KMT2E: variants seen among roughly 807,000 people sequenced by gnomAD.
KMT2E encodes lysine methyltransferase 2E (inactive), also known as histone reader KMT2E.
A neutral mutation model predicts 184.6 loss-of-function variants in KMT2E; 30 were observed. That is an observed-to-expected ratio of 0.16 (90% CI 0.12 to 0.22). The LOEUF is 0.22. KMT2E is among the 10% of genes least tolerant of loss of function. The pLI, the probability that KMT2E is intolerant of heterozygous loss-of-function variation, is 1.00. For synonymous variants in KMT2E, 815 were observed against 776.5 expected (o/e 1.05, Z -0.82); for missense variants, 2,023 against 2,237.4 (o/e 0.90, Z 1.93).
chr7:105,071,600 ATATATATATTTTTTT>A (rs1797312405), intron 6 of KMT2E, among the ~76,000 whole-genome samples: 2 of 66,146 alleles, frequency 3.0e-5, no homozygotes, highest in Admixed American at 1.8e-4. Context: ...ATATATATAT[ATATATATATTTTTTT>A]TTTTTTTTTT....
At chr7:105,063,614 T>A in intron 5 of KMT2E, 34 bp downstream of exon 5, 1 of 1,358,974 alleles carries the variant, frequency 7.4e-7, no homozygotes, top group Non-Finnish European at 1.0e-6. Context: ...TTATTTTTCT[T>A]GAATGCTGAT....
At chr7:105,074,160 G>T (rs917864740) in intron 7 of KMT2E, among the ~76,000 whole-genome samples, 1 of 151,330 alleles carries the variant, frequency 6.6e-6, no homozygotes, top group African/African-American at 2.5e-5. Context: ...ATTCCTCTTT[G>T]ATGGAGATTT....
intron 5 of KMT2E, among the ~76,000 whole-genome samples, chr7:105,064,919 A>C (rs1796968241): frequency 6.6e-6 from 1 of 152,160 alleles, no homozygotes; most frequent in Non-Finnish European, 1.5e-5. Flanking sequence ...TTTAATACAT[A>C]ATCTTAGCAG....
chr7:105,015,122 T>C, intron 1 of KMT2E, among the ~76,000 whole-genome samples: 1 of 152,132 alleles, frequency 6.6e-6, no homozygotes, highest in Non-Finnish European at 1.5e-5. Flanking sequence ...GCCCCTGAAG[T>C]GGTCACCCCA....
intron 1 of KMT2E, among the ~76,000 whole-genome samples, chr7:105,027,074 CTTTTTTTTT>C (rs34930855): frequency 1.1e-4 from 9 of 81,940 alleles, no homozygotes; most frequent in African/African-American, 4.3e-4. Context: ...GCCCCGCCCT[CTTTTTTTTT>C]TTTTTTTTTT....
chr7:105,073,683 TA>T lies in KMT2E; in HGVS notation c.556+11del. 3 of 1,572,460 alleles carry T rather than the reference TA, an allele frequency of 1.9e-6. No homozygotes were observed. The highest frequency in any genetic ancestry group is 2.6e-6 in the Non-Finnish European group (3 of 1,142,688). On this transcript the variant is annotated splice_region_variant and intron_variant, in intron 7 of 26. Coordinates refer to ENST00000311117, the MANE Select transcript of KMT2E (RefSeq NM_182931.3). ...GAAAAGGGAAAATATGTCAGGTAGGTAAAAAGGACCTACACTAAATTAAAAT... is the reference window on the plus strand; with the variant it reads ...GAAAAGGGAAAATATGTCAGGTAGGTAAAAGGACCTACACTAAATTAAAAT...
In KMT2E at chr7:105,073,641, G is replaced by A. The variant is rs975636642; in HGVS notation, c.520G>A (p.Val174Met). 3 of 1,605,702 alleles carry A rather than the reference G, an allele frequency of 1.9e-6. No individual in the cohort carries two copies. The highest frequency in any genetic ancestry group is 2.6e-6 in the Non-Finnish European group (3 of 1,172,974). Reference protein sequence around the residue: ...QPRNLDKERAVLLQRRKRENM... With the variant: ...QPRNLDKERAMLLQRRKRENM... ...TAGGAATTTGGATAAAGAGAGGGCA[G>A]TGCTACTACAACGCCGGAAAAGGGA... Residue 174 changes from valine (V) to methionine (M), a missense_variant, in exon 7 of 27, where the codon GTG becomes ATG. By Grantham distance (21) the Val-to-Met change is conservative (BLOSUM62 1). This residue lies in a region of KMT2E where 191 missense variants were observed against 209.0 expected (regional missense o/e 0.91). Transcript: ENST00000311117.
chr7:105,062,601 T>C (rs1288707572), intron 4 of KMT2E, among the ~76,000 whole-genome samples: 1 of 152,000 alleles, frequency 6.6e-6, no homozygotes, highest in Non-Finnish European at 1.5e-5. Flanking sequence ...TTTTAATTTT[T>C]TGATTTTTAG....
At position 105,109,049 on chromosome 7, in the gene KMT2E, G is replaced by C; in HGVS notation, c.3576G>C (p.Leu1192Phe). 1 of 1,614,184 alleles carries C rather than the reference G, an allele frequency of 6.2e-7. No individual in the cohort carries two copies. Among genetic ancestry groups the C allele is most frequent in the East Asian group, 2.2e-5 (1 of 44,874 alleles). Residue 1192 changes from leucine (L) to phenylalanine (F), a missense_variant, in exon 23 of 27, where the codon TTG becomes TTC. Physicochemically the swap from Leu to Phe is conservative, Grantham distance 22. Coordinates refer to ENST00000311117, the MANE Select transcript of KMT2E (RefSeq NM_182931.3). ...TATCACCCCATGCAAGTGGAAGCTT[G>C]AGCAACAATGGTGATGGCTGTGCCA... Reference protein sequence around the residue: ...ISVSPHASGSLSNNGDGCASS... With the variant: ...ISVSPHASGSFSNNGDGCASS...
chr7:105,031,144 G>A (rs186808642), intron 1 of KMT2E, among the ~76,000 whole-genome samples: 245 of 151,752 alleles, frequency 1.6e-3, no homozygotes, highest in African/African-American at 5.6e-3. Flanking sequence ...ATCACTTGAG[G>A]TCAGGAGATC....
intron 5 of KMT2E, among the ~76,000 whole-genome samples, chr7:105,066,285 A>T (rs1383172188): frequency 6.6e-6 from 1 of 152,136 alleles, no homozygotes; most frequent in African/African-American, 2.4e-5. Context: ...CTCTTCATAT[A>T]TGTTGAGCGC....
chr7:105,044,485 G>A (rs1796016952), intron 3 of KMT2E, among the ~76,000 whole-genome samples: 2 of 152,138 alleles, frequency 1.3e-5, no homozygotes, highest in Non-Finnish European at 2.9e-5. Context: ...GTAGTTATGT[G>A]GCATGTCCCA....
chr7:105,071,564 A>G (rs1269568568), intron 6 of KMT2E, among the ~76,000 whole-genome samples: 15 of 98,286 alleles, frequency 1.5e-4, no homozygotes, highest in Non-Finnish European at 3.9e-5. Context: ...GTATGTATGT[A>G]TGTATGTATG....
In KMT2E at chr7:105,076,086, A is replaced by G. The variant is rs1014785502; in HGVS notation, c.768+5A>G. On this transcript the variant is annotated splice_donor_5th_base_variant and intron_variant, in intron 9 of 26. Transcript: ENST00000311117. ...AGGAAGTCATCAAGAGTTAAGGTAAATACATTAATTTTAAGGTGTTGTTAT... is the reference window on the plus strand; with the variant it reads ...AGGAAGTCATCAAGAGTTAAGGTAAGTACATTAATTTTAAGGTGTTGTTAT... The G allele has an allele frequency of 5.1e-6, 8 of 1,582,938 alleles. No homozygotes were observed. The African/African-American group carries it at 9.4e-5, about 19-fold the overall frequency.
chr7:105,022,315 G>T (rs1052182428), intron 1 of KMT2E, among the ~76,000 whole-genome samples: 1 of 151,870 alleles, frequency 6.6e-6, no homozygotes, highest in African/African-American at 2.4e-5. Flanking sequence ...TTTTAATCTG[G>T]AACAGTTCCT....
chr7:105,107,587 C>T lies in KMT2E; in HGVS notation c.3130C>T (p.His1044Tyr). The change falls in exon 22 of 27, where the codon CAT becomes TAT. Residue 1044 changes from histidine to tyrosine, a missense_variant. Transcript: ENST00000311117. ...ALHKTLETPA[H>Y]DRAEPNSQLD... is the part of the protein sequence containing the mutation. ...ACATAAAACCCTGGAAACGCCTGCA[C>T]ATGACAGGGCTGAGCCCAACAGCCA... 6.2e-7 allele frequency: 1 copy of T among 1,614,084 alleles called. No homozygotes were observed. Among genetic ancestry groups the T allele is most frequent in the Non-Finnish European group, 8.5e-7 (1 of 1,179,998 alleles).
intron 6 of KMT2E, among the ~76,000 whole-genome samples, chr7:105,071,592 ATATATATATATATATATTTTTTTT>A (rs1797303707): frequency 1.1e-4 from 6 of 54,296 alleles, no homozygotes; most frequent in East Asian, 4.7e-4. Context: ...GTATATATAT[ATATATATATATATATATTTTTTTT>A]TTTTTTTTTT....
intron 9 of KMT2E, 43 bp from the exon 10 acceptor site, chr7:105,076,920 A>C: frequency 7.4e-6 from 6 of 805,882 alleles, no homozygotes; most frequent in East Asian, 2.8e-5. Flanking sequence ...GTGTGTGTGT[A>C]AGTCCGTAAG....
intron 13 of KMT2E, among the ~76,000 whole-genome samples, chr7:105,086,712 G>A (rs375492997): frequency 3.3e-5 from 5 of 149,484 alleles, no homozygotes; most frequent in Non-Finnish European, 5.9e-5. Flanking sequence ...GTGACAGAGC[G>A]AGACTCCATC....
Sources: gnomAD v4.1 joint callset for allele counts (sites outside exome capture counted in the v4.1 genomes callset) on GRCh38, gnomAD v4.1.1 for gene constraint, gnomAD v4.1.1 regional missense constraint, MANE v1.5 for transcripts, NCBI Gene and HGNC (gene_info 2026-07-23, HGNC 2026-07-21) for gene names.